The following GPHN variants were observed in gnomAD, a reference collection of about 807,000 sequenced individuals.
GPHN encodes the protein gephyrin.
In GPHN, 17 loss-of-function variants were observed where a neutral mutation model predicts 95.5. The observed-to-expected ratio is 0.18, with a 90% CI of 0.12 to 0.27. The LOEUF is 0.27. Among genes scored for constraint, GPHN ranks in the 10% least tolerant of loss-of-function variants. GPHN has a pLI of 1.00. For missense variants in GPHN, 660 were observed against 978.1 expected, an observed-to-expected ratio of 0.67 and a Z score of 4.34; for synonymous variants, 320 against 322.5, an observed-to-expected ratio of 0.99 and a Z score of 0.08.
chr14:67,719,182 C>T, the GPHN span, among the ~76,000 whole-genome samples: 1 of 152,170 alleles, frequency 6.6e-6, no homozygotes, highest in Admixed American at 6.5e-5. Flanking sequence ...AGCGTACAGG[C>T]TAAAATGTTT....
At chr14:67,549,127 G>C in the GPHN span, among the ~76,000 whole-genome samples, 2 of 152,194 alleles carry the variant, frequency 1.3e-5, no homozygotes, top group Non-Finnish European at 2.9e-5. Flanking sequence ...TTGGAAGTAT[G>C]TTGAAGTTTG....
At chr14:67,245,204 T>G in the GPHN span, among the ~76,000 whole-genome samples, 1 of 152,250 alleles carries the variant, frequency 6.6e-6, no homozygotes, top group African/African-American at 2.4e-5. Context: ...TTTGTTACAT[T>G]GGCATAGGAA....
chr14:67,471,479 C>G, the GPHN span: 1 of 152,164 alleles, frequency 6.6e-6, no homozygotes, highest in Non-Finnish European at 1.5e-5. Flanking sequence ...CTGGAATTTT[C>G]TCCACCTATA....
chr14:66,890,295 C>T (rs1036095339), intron 5 of GPHN, among the ~76,000 whole-genome samples: 1 of 151,482 alleles, frequency 6.6e-6, no homozygotes, highest in Non-Finnish European at 1.5e-5. Context: ...GTAGTCCCAG[C>T]TACTCAGGGG....
chr14:66,937,272 AG>A (rs2067178282), intron 8 of GPHN, among the ~76,000 whole-genome samples: 1 of 152,120 alleles, frequency 6.6e-6, no homozygotes, highest in Non-Finnish European at 1.5e-5. Flanking sequence ...CCAAAGTGTT[AG>A]CATTACAGGC....
the GPHN span, among the ~76,000 whole-genome samples, chr14:67,265,554 C>CT: frequency 3.4e-3 from 522 of 151,976 alleles, 5 homozygotes; most frequent in African/African-American, 0.011. Context: ...GACCCTATCT[C>CT]TATTTAAAAG....
intron 5 of GPHN, among the ~76,000 whole-genome samples, chr14:66,895,790 A>G (rs974112226): frequency 8.5e-5 from 13 of 152,184 alleles, no homozygotes; most frequent in African/African-American, 2.9e-4. Flanking sequence ...AAGAAAAATC[A>G]TCTCAGATGG....
chr14:66,862,866 A>T (rs1402053961), intron 4 of GPHN, among the ~76,000 whole-genome samples: 1 of 152,160 alleles, frequency 6.6e-6, no homozygotes, highest in Admixed American at 6.5e-5. Context: ...CACATCTGGT[A>T]TCATAGTGAA....
intron 1 of GPHN, among the ~76,000 whole-genome samples, chr14:66,546,499 C>G (rs910293507): frequency 6.6e-6 from 1 of 152,190 alleles, no homozygotes; most frequent in Non-Finnish European, 1.5e-5. Context: ...CTGAGTGAAC[C>G]AGACTCCATC....
chr14:67,424,663 G>A, the GPHN span, among the ~76,000 whole-genome samples: 2 of 151,440 alleles, frequency 1.3e-5, no homozygotes, highest in East Asian at 3.9e-4. Context: ...TCCTTCCTAT[G>A]GTCCCAGTCT....
At chr14:66,731,187 T>A (rs2071736155) in intron 2 of GPHN, among the ~76,000 whole-genome samples, 1 of 152,226 alleles carries the variant, frequency 6.6e-6, no homozygotes, top group African/African-American at 2.4e-5. Flanking sequence ...GGTAGTTCTT[T>A]ATAGCAGTGT....
At chr14:67,397,973 T>G in the GPHN span, 18 of 581,244 alleles carry the variant, frequency 3.1e-5, no homozygotes, top group Middle Eastern at 2.7e-4. Flanking sequence ...TCTGGATCTC[T>G]TCTGAGTACG....
At chr14:67,353,725 A>C in the GPHN span, 6 of 152,246 alleles carry the variant, frequency 3.9e-5, no homozygotes, top group African/African-American at 1.5e-4. Flanking sequence ...TCTTGACTTT[A>C]AGTGATCTGC....
chr14:67,329,550 T>TG, the GPHN span, among the ~76,000 whole-genome samples: 1 of 152,190 alleles, frequency 6.6e-6, no homozygotes, highest in African/African-American at 2.4e-5. Flanking sequence ...ATCCCTGTCT[T>TG]GCGCCAGTTT....
the GPHN span, among the ~76,000 whole-genome samples, chr14:67,712,367 G>T: frequency 3.0e-4 from 45 of 151,838 alleles, no homozygotes; most frequent in African/African-American, 9.9e-4. Context: ...GTTGTTTTTT[G>T]TTTTTTAATA....
At chr14:66,896,051 C>T (rs1181695704) in intron 5 of GPHN, among the ~76,000 whole-genome samples, 4 of 152,052 alleles carry the variant, frequency 2.6e-5, no homozygotes, top group African/African-American at 7.2e-5. Flanking sequence ...TGCATCTTCA[C>T]GTGGTAGAAG....
At chr14:67,071,219 A>G (rs1232239600) in intron 11 of GPHN, among the ~76,000 whole-genome samples, 1 of 152,178 alleles carries the variant, frequency 6.6e-6, no homozygotes, top group African/African-American at 2.4e-5. Context: ...AATAGCAAAG[A>G]CTTGGAACCA....
the GPHN span, among the ~76,000 whole-genome samples, chr14:67,567,853 G>T: frequency 6.8e-6 from 1 of 146,296 alleles, no homozygotes; most frequent in Admixed American, 6.7e-5. Flanking sequence ...CGTCAGCCTT[G>T]GTGACTCACG....
chr14:66,827,372 A>G (rs184552464), intron 4 of GPHN, among the ~76,000 whole-genome samples: 3 of 152,184 alleles, frequency 2.0e-5, no homozygotes, highest in Admixed American at 2.0e-4. Context: ...GGAAATTCCC[A>G]AGGGTTTTAT....
Sources: allele counts gnomAD v4.1 joint callset (sites outside exome capture counted in the v4.1 genomes callset), GRCh38; gene constraint gnomAD v4.1.1; transcripts MANE v1.5; gene names NCBI Gene and HGNC (gene_info 2026-07-23, HGNC 2026-07-21).